The following TAOK3 variants were observed in gnomAD, a reference collection of about 807,000 sequenced individuals.
The protein encoded by TAOK3 is serine/threonine-protein kinase TAO3.
A neutral mutation model predicts 120.4 loss-of-function variants in TAOK3; 40 were observed. The ratio of observed to expected loss-of-function variants is 0.33; its 90% CI spans 0.26 to 0.43. TAOK3 has a LOEUF of 0.43. TAOK3 is among the 20% of genes least tolerant of loss of function. The probability of loss-of-function intolerance (pLI) is 1.00; values close to 1 mark genes in which losing one functional copy is unlikely to be tolerated. For synonymous variants in TAOK3, 355 were observed against 387.5 expected (o/e 0.92, Z 0.99); for missense variants, 821 against 1,112.1 (o/e 0.74, Z 3.72).
rs1035726307 is a variant in TAOK3 at position 118,253,419 on chromosome 12, T to G, written c.120+2029A>C. 3.3e-5 allele frequency among the ~76,000 whole-genome samples: 5 copies of G among 152,182 alleles called. No homozygotes were observed. In the East Asian group the frequency reaches 9.6e-4, roughly 29 times the overall value. On this transcript the variant is annotated intron_variant, in intron 3 of 20. Coordinates refer to ENST00000392533, the MANE Select transcript of TAOK3 (RefSeq NM_016281.4). ...ATTTGCTTTAATGGACTATTATGCT[T>G]AAGGAAGTATTTGTTAAATTAAATA...
Position 118,327,762 on chromosome 12 carries a change from C to T in TAOK3, c.-194+44886G>A, listed in dbSNP as rs144071360. ...AAAAGATCTACTTACAGACCACAAA[C>T]ATGATCCTTCTTAATTCCTATTGCT... On this transcript the variant is annotated intron_variant, in intron 1 of 20. Transcript: ENST00000392533. 1.7e-3 allele frequency among the ~76,000 whole-genome samples: 258 copies of T among 152,278 alleles called. 1 individual carries two copies. Among genetic ancestry groups the T allele is most frequent in the African/African-American group, 6.1e-3 (252 of 41,568 alleles).
chr12:118,158,165 C>A (rs893688382), intron 19 of TAOK3, among the ~76,000 whole-genome samples: 2 of 152,208 alleles, frequency 1.3e-5, no homozygotes, highest in Non-Finnish European at 2.9e-5. Flanking sequence ...ATGCTCTCTT[C>A]GGGTTCCCTT....
In TAOK3 at chr12:118,238,119, C is replaced by T. The variant is rs1287881870; in HGVS notation, c.391G>A (p.Ala131Thr). Residue 131 changes from alanine (A) to threonine (T), a missense_variant, in exon 7 of 21, where the codon GCC becomes ACC. By Grantham distance (58) the Ala-to-Thr change is moderately conservative (BLOSUM62 0). Transcript: ENST00000392533. Reference protein sequence around the residue: ...EVEIAAITHGALHGLAYLHSH... With the variant: ...EVEIAAITHGTLHGLAYLHSH... The stretch of plus-strand genomic sequence containing the variant: ...TGTAGGTAGGCTAGTCCATGCAAGG[C>T]TCCATGAGTAATGGCAGCGATCTCC... The T allele has an allele frequency of 1.9e-6, 3 of 1,612,166 alleles. No individual in the cohort carries two copies. The highest frequency in any genetic ancestry group is 1.1e-5 in the South Asian group (1 of 90,930).
intron 1 of TAOK3, among the ~76,000 whole-genome samples, chr12:118,282,796 G>A (rs892350937): frequency 4.6e-5 from 7 of 152,100 alleles, no homozygotes; most frequent in Admixed American, 3.9e-4. Context: ...CAAAGTTCTG[G>A]GTGGGAGTAT....
intron 12 of TAOK3, chr12:118,199,540 C>G (rs951470055): frequency 2.3e-6 from 1 of 439,372 alleles, no homozygotes; most frequent in African/African-American, 2.0e-5. Context: ...ATCATATTAT[C>G]GTGTTGCTAT....
intron 1 of TAOK3, among the ~76,000 whole-genome samples, chr12:118,292,752 C>T (rs1231806002): frequency 6.6e-6 from 1 of 152,130 alleles, no homozygotes; most frequent in Non-Finnish European, 1.5e-5. Context: ...ATACTAAGCC[C>T]CTCCATCTAA....
chr12:118,189,880 G>A lies in TAOK3; in HGVS notation c.1256C>T (p.Thr419Ile), dbSNP rs145785585. The A allele has an allele frequency of 1.2e-6, 2 of 1,614,224 alleles. No homozygotes were observed. The highest frequency in any genetic ancestry group is 8.5e-7 in the Non-Finnish European group (1 of 1,180,032). ...GAGGGCCTGGCTCTGAACTGACTGG[G>A]TAGGCCGCGGCTCAGGCCTGGGATC... ...HGDPRPEPRPTQSVQSQALHY... is the reference protein window; with the variant it reads ...HGDPRPEPRPIQSVQSQALHY... Residue 419 changes from threonine to isoleucine, a missense_variant, in exon 14 of 21, where the codon ACC (threonine) becomes ATC (isoleucine). Thr to Ile is a moderately conservative substitution (Grantham distance 89). This residue lies in a region of TAOK3 where 467 missense variants were observed against 540.0 expected (regional missense o/e 0.86). Coordinates refer to ENST00000392533, the MANE Select transcript of TAOK3 (RefSeq NM_016281.4).
At chr12:118,274,975 T>C (rs138534787) in intron 1 of TAOK3, among the ~76,000 whole-genome samples, 134 of 152,162 alleles carry the variant, frequency 8.8e-4, no homozygotes, top group Admixed American at 1.9e-3. Flanking sequence ...CAATTATGCA[T>C]CTACTTCAGA....
At chr12:118,258,012 T>C (rs911873645) in intron 2 of TAOK3, among the ~76,000 whole-genome samples, 2 of 151,968 alleles carry the variant, frequency 1.3e-5, no homozygotes, top group Non-Finnish European at 2.9e-5. Flanking sequence ...GAGGGGAAAA[T>C]AAATATTTTT....
At chr12:118,305,373 T>C (rs2043012987) in intron 1 of TAOK3, among the ~76,000 whole-genome samples, 1 of 152,110 alleles carries the variant, frequency 6.6e-6, no homozygotes, top group Non-Finnish European at 1.5e-5. Flanking sequence ...CTAGGGAGGC[T>C]GAAGCAGGAG....
At chr12:118,169,765 G>C (rs1192274609) in intron 17 of TAOK3, among the ~76,000 whole-genome samples, 1 of 151,236 alleles carries the variant, frequency 6.6e-6, no homozygotes, top group Non-Finnish European at 1.5e-5. Context: ...CTGTCACCCA[G>C]TCTGGAGTGC....
Position 118,263,017 on chromosome 12 carries a change from A to C in TAOK3, c.-89+3638T>G, listed in dbSNP as rs75020183. ...AATCTAAAATTCATATGAGAATTCAAAGGACCCAGAATAACCAAAGCAACT... is the reference window on the plus strand; with the variant it reads ...AATCTAAAATTCATATGAGAATTCACAGGACCCAGAATAACCAAAGCAACT... On this transcript the variant is annotated intron_variant, in intron 2 of 20. Transcript: ENST00000392533. Among the ~76,000 whole-genome samples, 979 of 152,320 alleles carry C rather than the reference A, an allele frequency of 6.4e-3. 13 individuals are homozygous for C. The highest frequency in any genetic ancestry group is 0.022 in the African/African-American group (926 of 41,574).
chr12:118,279,188 AT>A lies in TAOK3; in HGVS notation c.-193-12430del, dbSNP rs544475617. ...TCTCTAATGATTAGTGATGGTGAGC[AT>A]TTTTTCGTATGCTTGTTGGTTGTGT... On this transcript the variant is annotated intron_variant, in intron 1 of 20. Transcript: ENST00000392533. Among the ~76,000 whole-genome samples the A allele has an allele frequency of 1.4e-4, 21 of 151,978 alleles. 1 individual carries two copies. The highest frequency in any genetic ancestry group is 4.6e-4 in the African/African-American group (19 of 41,448).
At chr12:118,217,019 T>TTA (rs141314121) in intron 9 of TAOK3, among the ~76,000 whole-genome samples, 4,111 of 152,200 alleles carry the variant, frequency 0.027, 158 homozygotes, top group African/African-American at 0.084. Context: ...AATGGATTTT[T>TTA]TATATAGTCT....
intron 7 of TAOK3, chr12:118,236,366 T>C (rs1015353481): frequency 3.3e-5 from 5 of 152,140 alleles, no homozygotes; most frequent in African/African-American, 1.2e-4. Flanking sequence ...GAATTGCACG[T>C]GGTTACTACT....
intron 1 of TAOK3, among the ~76,000 whole-genome samples, chr12:118,317,839 C>T (rs1020940897): frequency 6.6e-6 from 1 of 151,964 alleles, no homozygotes; most frequent in East Asian, 1.9e-4. Context: ...AAAACAAAAA[C>T]CAGTTGGAGG....
chr12:118,165,337 C>T (rs549829755), intron 17 of TAOK3, among the ~76,000 whole-genome samples: 1 of 152,318 alleles, frequency 6.6e-6, no homozygotes, highest in African/African-American at 2.4e-5. Context: ...TCATCCCACA[C>T]TTTCCTAAAT....
intron 1 of TAOK3, among the ~76,000 whole-genome samples, chr12:118,336,040 T>A (rs1281929017): frequency 2.0e-5 from 3 of 152,204 alleles, no homozygotes; most frequent in Non-Finnish European, 4.4e-5. Context: ...TATATAGTTT[T>A]AATACAATTC....
At chr12:118,325,215 T>C (rs965092098) in intron 1 of TAOK3, among the ~76,000 whole-genome samples, 6 of 152,228 alleles carry the variant, frequency 3.9e-5, no homozygotes, top group Admixed American at 3.9e-4. Context: ...TGATTACTGA[T>C]TTCCTTTCTT....
Sources: allele counts gnomAD v4.1 joint callset (sites outside exome capture counted in the v4.1 genomes callset), GRCh38; gene constraint gnomAD v4.1.1; regional missense constraint gnomAD v4.1.1; transcripts MANE v1.5; gene names NCBI Gene and HGNC (gene_info 2026-07-23, HGNC 2026-07-21).